The following GRM7 variants were observed in gnomAD, a reference collection of about 807,000 sequenced individuals.
GRM7 encodes the protein metabotropic glutamate receptor 7.
A neutral mutation model predicts 84.5 loss-of-function variants in GRM7; 35 were observed. That is an observed-to-expected ratio of 0.41 (90% CI 0.32 to 0.55). GRM7 has a LOEUF of 0.55. Ranked by LOEUF, GRM7 falls within the 20% of genes least tolerant of loss-of-function variation. The pLI, the probability that GRM7 is intolerant of heterozygous loss-of-function variation, is 0.19. For synonymous variants in GRM7, 487 were observed against 455.1 expected (o/e 1.07, Z -0.89); for missense variants, 1,003 against 1,194.6 (o/e 0.84, Z 2.36).
intron 2 of GRM7, among the ~76,000 whole-genome samples, chr3:7,285,532 G>A (rs927678401): frequency 1.3e-5 from 2 of 152,026 alleles, no homozygotes; most frequent in African/African-American, 2.4e-5. Flanking sequence ...AATTATAAGG[G>A]GTGGTTGTCC....
intron 4 of GRM7, among the ~76,000 whole-genome samples, chr3:7,372,028 G>A (rs528417628): frequency 6.6e-6 from 1 of 152,240 alleles, no homozygotes; most frequent in South Asian, 2.1e-4. Context: ...AGAGACAGCA[G>A]GGCCTGATAG....
chr3:7,154,348 G>C (rs184342200), intron 2 of GRM7, among the ~76,000 whole-genome samples: 2 of 152,236 alleles, frequency 1.3e-5, no homozygotes, highest in African/African-American at 4.8e-5. Flanking sequence ...GTTTCTCCCA[G>C]GCTATGGATT....
intron 2 of GRM7, among the ~76,000 whole-genome samples, chr3:7,185,731 G>T (rs1483063683): frequency 6.6e-6 from 1 of 152,174 alleles, no homozygotes; most frequent in African/African-American, 2.4e-5. Context: ...AGAAACTCTG[G>T]GAAGGGGATC....
chr3:7,158,085 T>C (rs1694511522), intron 2 of GRM7, among the ~76,000 whole-genome samples: 1 of 152,166 alleles, frequency 6.6e-6, no homozygotes, highest in Non-Finnish European at 1.5e-5. Flanking sequence ...TGTTGTTCAG[T>C]TGGGAAAATG....
intron 2 of GRM7, among the ~76,000 whole-genome samples, chr3:7,256,618 C>T (rs1698211400): frequency 6.6e-6 from 1 of 151,226 alleles, no homozygotes; most frequent in East Asian, 1.9e-4. Context: ...GCTACCTATG[C>T]ACACACACAC....
intron 1 of GRM7, among the ~76,000 whole-genome samples, chr3:7,140,715 C>T (rs947045404): frequency 6.6e-6 from 1 of 151,854 alleles, no homozygotes; most frequent in African/African-American, 2.4e-5. Context: ...CCTGGATATC[C>T]TGAGGAAGTA....
chr3:7,164,031 G>T (rs903450756), intron 2 of GRM7, among the ~76,000 whole-genome samples: 2 of 152,162 alleles, frequency 1.3e-5, no homozygotes, highest in African/African-American at 4.8e-5. Context: ...CCATCTCACA[G>T]ATTCTTCCAT....
At chr3:7,119,425 A>T (rs181109418) in intron 1 of GRM7, among the ~76,000 whole-genome samples, 157 of 152,258 alleles carry the variant, frequency 1.0e-3, no homozygotes, top group African/African-American at 3.7e-3. Flanking sequence ...TGCCTTCTTG[A>T]GATTTCACAC....
rs185662157 is a variant in GRM7 at position 6,933,743 on chromosome 3, A to C, written c.519+71836A>C. Among the ~76,000 whole-genome samples the C allele has an allele frequency of 7.8e-3, 1,139 of 146,594 alleles. 7 individuals carry two copies. Among genetic ancestry groups the C allele is most frequent in the South Asian group, 0.019 (87 of 4,500 alleles). On this transcript the variant is annotated intron_variant, in intron 1 of 9. Transcript: ENST00000357716. ...CTGGCGAGAAAAGAAAATTAAAAAAAAAAACAAAACAAAACATTGCCAGTT... is the reference window on the plus strand; with the variant it reads ...CTGGCGAGAAAAGAAAATTAAAAAACAAAACAAAACAAAACATTGCCAGTT...
intron 2 of GRM7, among the ~76,000 whole-genome samples, chr3:7,252,402 G>A (rs1406884986): frequency 6.6e-6 from 1 of 152,156 alleles, no homozygotes; most frequent in African/African-American, 2.4e-5. Context: ...CACATGGTCT[G>A]GGGATGTTGA....
intron 4 of GRM7, among the ~76,000 whole-genome samples, chr3:7,399,890 T>C (rs1490479756): frequency 6.6e-6 from 1 of 152,272 alleles, no homozygotes; most frequent in East Asian, 1.9e-4. Flanking sequence ...TGAAGAACCA[T>C]GAGCCAAATA....
chr3:7,467,516 A>G (rs1698511085), intron 7 of GRM7, among the ~76,000 whole-genome samples: 1 of 152,150 alleles, frequency 6.6e-6, no homozygotes, highest in Non-Finnish European at 1.5e-5. Flanking sequence ...ACGTCTCCCT[A>G]ATCAAGACAT....
chr3:7,064,479 T>TATATATATACAC lies in GRM7; in HGVS notation c.520-81972_520-81971insTATATATACACA. On this transcript the variant is annotated intron_variant, in intron 1 of 9. Coordinates refer to ENST00000357716, the MANE Select transcript of GRM7 (RefSeq NM_000844.4). The stretch of plus-strand genomic sequence containing the variant: ...ATATATATACATATATATATATATA[T>TATATATATACAC]ACACACATATACATATATATATACA... Among the ~76,000 whole-genome samples, 823 of 99,122 alleles carry TATATATATACAC rather than the reference T, an allele frequency of 8.3e-3. 19 individuals are homozygous for TATATATATACAC. Among genetic ancestry groups the TATATATATACAC allele is most frequent in the African/African-American group, 0.028 (711 of 25,550 alleles). The allele number at this position is 99,122 out of a possible 152,430, so 65.0% of individuals were successfully genotyped here. A position where few individuals can be genotyped will look rare whatever the true frequency, so the allele number is the denominator to read the frequency against.
At chr3:7,276,267 T>C (rs891598886) in intron 2 of GRM7, among the ~76,000 whole-genome samples, 2 of 150,880 alleles carry the variant, frequency 1.3e-5, no homozygotes, top group Non-Finnish European at 3.0e-5. Flanking sequence ...AATTGTCCTC[T>C]CAATGTAGAA....
At chr3:6,984,726 T>C (rs549969994) in intron 1 of GRM7, among the ~76,000 whole-genome samples, 35 of 152,258 alleles carry the variant, frequency 2.3e-4, no homozygotes, top group African/African-American at 7.9e-4. Context: ...TGGCTGACCA[T>C]CCTTCAGTTG....
At chr3:7,532,977 C>T (rs1263754117) in intron 7 of GRM7, among the ~76,000 whole-genome samples, 1 of 151,678 alleles carries the variant, frequency 6.6e-6, no homozygotes, top group African/African-American at 2.4e-5. Flanking sequence ...GCCCCCAGTA[C>T]AGGAGCACCC....
At chr3:7,018,194 A>G (rs1695646300) in intron 1 of GRM7, among the ~76,000 whole-genome samples, 2 of 152,216 alleles carry the variant, frequency 1.3e-5, no homozygotes, top group South Asian at 4.1e-4. Flanking sequence ...ATTAAGAAGT[A>G]CTGTATTTAC....
Position 7,350,542 on chromosome 3 carries a change from G to C in GRM7, c.1033+43890G>C, listed in dbSNP as rs9871312. Among the ~76,000 whole-genome samples, 832 of 152,124 alleles carry C rather than the reference G, an allele frequency of 5.5e-3. 6 individuals are homozygous for C. Among genetic ancestry groups the C allele is most frequent in the African/African-American group, 0.017 (718 of 41,514 alleles). On this transcript the variant is annotated intron_variant, in intron 4 of 9. Coordinates refer to ENST00000357716, the MANE Select transcript of GRM7 (RefSeq NM_000844.4). ...AGAAGCAGAAGCCACTATGCTTCCT[G>C]TATAGCCTGCAAAACTGTGAGCCAA... is the stretch of plus-strand genomic sequence containing the variant.
Position 7,223,781 on chromosome 3 carries a change from G to A in GRM7, c.737-74903G>A, listed in dbSNP as rs146208122. On this transcript the variant is annotated intron_variant, in intron 2 of 9. Coordinates refer to ENST00000357716, the MANE Select transcript of GRM7 (RefSeq NM_000844.4). ...AGCCGAATAATAGAAATAGGTATGG[G>A]CAGTCTAGAGATTTTCTAGATGGAA... Among the ~76,000 whole-genome samples, 125 of 152,258 alleles carry A rather than the reference G, an allele frequency of 8.2e-4. 3 individuals are homozygous for A. The East Asian group carries it at 0.02, about 24-fold the overall frequency.
Sources: allele counts gnomAD v4.1 joint callset (sites outside exome capture counted in the v4.1 genomes callset), GRCh38; gene constraint gnomAD v4.1.1; transcripts MANE v1.5; gene names NCBI Gene and HGNC (gene_info 2026-07-23, HGNC 2026-07-21).